SORT1: variants seen among roughly 807,000 people sequenced by gnomAD.
The protein encoded by SORT1 is sortilin 1, also known as sortilin.
A neutral mutation model predicts 101.7 loss-of-function variants in SORT1; 39 were observed. That is an observed-to-expected ratio of 0.38 (90% CI 0.30 to 0.50). The LOEUF (loss-of-function observed/expected upper bound fraction) is 0.50. SORT1 is among the 20% of genes least tolerant of loss of function. SORT1 has a pLI of 0.90. For missense variants in SORT1, 878 were observed against 1,040.4 expected (o/e 0.84, Z 2.15); for synonymous variants, 396 against 393.7 (o/e 1.01, Z -0.07).
intron 2 of SORT1, 65 bp from the exon 3 acceptor site, chr1:109,367,546 C>T (rs963035881): frequency 1.1e-5 from 11 of 1,029,954 alleles, no homozygotes; most frequent in Middle Eastern, 2.0e-4. Context: ...GATATGTGTT[C>T]GAGATTAAGC....
intron 3 of SORT1, among the ~76,000 whole-genome samples, chr1:109,358,662 T>C (rs758896547): frequency 6.6e-6 from 1 of 152,136 alleles, no homozygotes; most frequent in Non-Finnish European, 1.5e-5. Context: ...AAGACCAGCC[T>C]GGCCAAGATG....
At position 109,376,102 on chromosome 1, in the gene SORT1, G is replaced by C. The variant is rs545575779; in HGVS notation, c.307-6513C>G. ...TCACGCTTGTAATCCCAGCACTTTG[G>C]GAGGCCGAGGCGGGCGGATCACGAG... is the stretch of plus-strand genomic sequence containing the variant. On this transcript the variant is annotated intron_variant, in intron 1 of 19. Coordinates refer to ENST00000256637, the MANE Select transcript of SORT1 (RefSeq NM_002959.7). 2.0e-5 allele frequency among the ~76,000 whole-genome samples: 3 copies of C among 152,280 alleles called. No homozygotes were observed. The East Asian group carries it at 5.8e-4, about 29-fold the overall frequency.
At chr1:109,340,662 A>G in intron 10 of SORT1, 62 bp downstream of exon 10, 1 of 1,559,560 alleles carries the variant, frequency 6.4e-7, no homozygotes, top group Non-Finnish European at 8.8e-7. Flanking sequence ...GGTTCCCCGA[A>G]GCCTCAAATC....
At chr1:109,326,747 C>T (rs1048031308) in intron 13 of SORT1, 11 of 312,890 alleles carry the variant, frequency 3.5e-5, no homozygotes, top group South Asian at 3.0e-4. Flanking sequence ...TGAGCCACTG[C>T]GCCCAACCCA....
At chr1:109,333,284 T>C (rs776129633) in intron 11 of SORT1, among the ~76,000 whole-genome samples, 1 of 152,116 alleles carries the variant, frequency 6.6e-6, no homozygotes, top group Non-Finnish European at 1.5e-5. Context: ...GAGACATAAA[T>C]GTAAGACTTG....
chr1:109,387,914 C>T (rs1422412180), intron 1 of SORT1, among the ~76,000 whole-genome samples: 1 of 152,040 alleles, frequency 6.6e-6, no homozygotes, highest in African/African-American at 2.4e-5. Flanking sequence ...AGTGCCACTG[C>T]ACTCCAGCCT....
At chr1:109,371,570 T>C (rs1004837651) in intron 1 of SORT1, among the ~76,000 whole-genome samples, 6 of 152,196 alleles carry the variant, frequency 3.9e-5, no homozygotes, top group Non-Finnish European at 8.8e-5. Context: ...CTTGAGCCAA[T>C]CAGGACTGCA....
intron 8 of SORT1, among the ~76,000 whole-genome samples, chr1:109,342,807 A>G (rs1372614524): frequency 6.6e-6 from 1 of 152,134 alleles, no homozygotes; most frequent in Non-Finnish European, 1.5e-5. Context: ...GTCTGTTAAG[A>G]AAGCAATTAA....
At chr1:109,371,463 C>T (rs767310645) in intron 1 of SORT1, among the ~76,000 whole-genome samples, 5 of 152,140 alleles carry the variant, frequency 3.3e-5, no homozygotes, top group Non-Finnish European at 5.9e-5. Flanking sequence ...GTTATCTTTC[C>T]AAGGAAGGTC....
chr1:109,381,751 G>A (rs1192396271), intron 1 of SORT1, among the ~76,000 whole-genome samples: 1 of 152,098 alleles, frequency 6.6e-6, no homozygotes, highest in Non-Finnish European at 1.5e-5. Flanking sequence ...CAGGCATGGT[G>A]GCAAGCACCT....
intron 1 of SORT1, among the ~76,000 whole-genome samples, chr1:109,386,351 G>GT (rs1289615262): frequency 6.6e-6 from 1 of 152,194 alleles, no homozygotes; most frequent in East Asian, 1.9e-4. Flanking sequence ...CAGAAGTGTT[G>GT]TATTACATGG....
At chr1:109,331,211 A>C (rs1240257368) in intron 11 of SORT1, among the ~76,000 whole-genome samples, 1 of 152,212 alleles carries the variant, frequency 6.6e-6, no homozygotes, top group Non-Finnish European at 1.5e-5. Flanking sequence ...TAGATGCAAA[A>C]ATTCTCAACA....
At chr1:109,355,604 G>C (rs1422832628) in intron 3 of SORT1, 135 bp from the exon 4 acceptor site, 8 of 493,722 alleles carry the variant, frequency 1.6e-5, no homozygotes, top group Non-Finnish European at 2.9e-5. Flanking sequence ...CACATTCCTA[G>C]CTCCAGAGGT....
intron 1 of SORT1, chr1:109,392,564 A>T (rs992548630): frequency 2.0e-6 from 2 of 975,834 alleles, no homozygotes; most frequent in African/African-American, 3.5e-5. Flanking sequence ...GCACAGAGCC[A>T]AACATTTGAG....
At chr1:109,351,061 T>G in intron 5 of SORT1, 59 bp from the exon 6 acceptor site, 1 of 1,083,752 alleles carries the variant, frequency 9.2e-7, no homozygotes, top group Non-Finnish European at 1.4e-6. Flanking sequence ...GTTGCTTGTA[T>G]GACCTTTAAT....
intron 14 of SORT1, among the ~76,000 whole-genome samples, chr1:109,324,666 A>C (rs1025721492): frequency 2.6e-5 from 4 of 152,194 alleles, no homozygotes; most frequent in Admixed American, 6.5e-5. Flanking sequence ...TGACAGAATA[A>C]TTTAAATGAC....
chr1:109,386,471 G>C (rs1652573941), intron 1 of SORT1, among the ~76,000 whole-genome samples: 1 of 152,218 alleles, frequency 6.6e-6, no homozygotes, highest in Non-Finnish European at 1.5e-5. Context: ...AGACCATATG[G>C]GGAGCTGAAG....
intron 1 of SORT1, among the ~76,000 whole-genome samples, chr1:109,372,098 A>G (rs147447910): frequency 6.6e-6 from 1 of 152,310 alleles, no homozygotes; most frequent in African/African-American, 2.4e-5. Context: ...AATGGGAGAA[A>G]AAAATACGGA....
chr1:109,318,630 G>C (rs1434511948), intron 15 of SORT1, among the ~76,000 whole-genome samples: 1 of 152,092 alleles, frequency 6.6e-6, no homozygotes, highest in Non-Finnish European at 1.5e-5. Context: ...TCAACTCAGG[G>C]ATACTTGGCA....
Sources: allele counts gnomAD v4.1 joint callset (sites outside exome capture counted in the v4.1 genomes callset), GRCh38; gene constraint gnomAD v4.1.1; transcripts MANE v1.5; gene names NCBI Gene and HGNC (gene_info 2026-07-23, HGNC 2026-07-21).